The following NIBAN2 variants were observed in gnomAD, a reference collection of about 807,000 sequenced individuals.
NIBAN2 encodes niban apoptosis regulator 2.
NIBAN2 carries 36 observed loss-of-function variants against 81.8 expected under a neutral mutation model. The ratio of observed to expected loss-of-function variants is 0.44; its 90% CI spans 0.34 to 0.58. The LOEUF (loss-of-function observed/expected upper bound fraction) is 0.58. NIBAN2 is among the 20% of genes least tolerant of loss of function. The pLI is 0.02. For missense variants in NIBAN2, 897 were observed against 1,014.1 expected (o/e 0.88, Z 1.57); for synonymous variants, 445 against 441.6 (o/e 1.01, Z -0.10).
At chr9:127,523,168 T>TAAAAAAAAAAAAA (rs1564301216) in intron 5 of NIBAN2, among the ~76,000 whole-genome samples, 1 of 19,026 alleles carries the variant, frequency 5.3e-5, no homozygotes. Flanking sequence ...GTTGGTGGTT[T>TAAAAAAAAAAAAA]TAAAAAAAAA....
intron 1 of NIBAN2, among the ~76,000 whole-genome samples, chr9:127,537,343 A>G (rs1173069675): frequency 2.6e-5 from 4 of 152,250 alleles, no homozygotes; most frequent in African/African-American, 9.6e-5. Context: ...GTCACTGTTA[A>G]TCATCAGTGT....
In NIBAN2 at chr9:127,507,061, C is replaced by T; in HGVS notation, c.2025G>A (p.Gly675=). 6.3e-7 allele frequency: 1 copy of T among 1,577,662 alleles called. No homozygotes were observed. Among genetic ancestry groups the T allele is most frequent in the Non-Finnish European group, 8.6e-7 (1 of 1,161,326 alleles). Residue 675 remains glycine, a synonymous_variant, in exon 14 of 14, where the codon GGG becomes GGA. Coordinates refer to ENST00000373312, the MANE Select transcript of NIBAN2 (RefSeq NM_022833.4). This position sits in a 1 kb window ranked among gnomAD's most constrained non-coding sequence, Gnocchi z 6.8. ...SPPPAGPLLN[G]APAGESPQPK... ...GCTGGGGACTCTCCCCAGCGGGGGCCCCGTTGAGCAGGGGGCCGGCTGGTG... is the reference window on the plus strand; with the variant it reads ...GCTGGGGACTCTCCCCAGCGGGGGCTCCGTTGAGCAGGGGGCCGGCTGGTG...
chr9:127,556,970 G>C (rs530657942), intron 1 of NIBAN2, among the ~76,000 whole-genome samples: 191 of 152,278 alleles, frequency 1.3e-3, no homozygotes, highest in African/African-American at 4.5e-3. Context: ...CCAGCTACTG[G>C]GGAGACTGAG....
At chr9:127,556,034 C>T (rs1028077938) in intron 1 of NIBAN2, among the ~76,000 whole-genome samples, 1 of 151,708 alleles carries the variant, frequency 6.6e-6, no homozygotes, top group Non-Finnish European at 1.5e-5. Context: ...CCCCACCCTA[C>T]CCGCACCCCT....
At position 127,506,970 on chromosome 9, in the gene NIBAN2, C is replaced by T. The variant is rs138757858; in HGVS notation, c.2116G>A (p.Ala706Thr). 6.2e-7 allele frequency: 1 copy of T among 1,603,232 alleles called. No individual in the cohort carries two copies. The highest frequency in any genetic ancestry group is 2.2e-5 in the East Asian group (1 of 44,772). Reference sequence around the variant, plus strand: ...GGCTTGGGGGGCCCAAGGTCCACAGCCTTTCCAGGCAGGAGATGCTGGAGG... The same window carrying T: ...GGCTTGGGGGGCCCAAGGTCCACAGTCTTTCCAGGCAGGAGATGCTGGAGG... ...SPLQHLLPGKAVDLGPPKPSD... is the reference protein window; with the variant it reads ...SPLQHLLPGKTVDLGPPKPSD... The change falls in exon 14 of 14, where the codon GCT (alanine) becomes ACT (threonine). Residue 706 changes from alanine (A) to threonine (T), a missense_variant. This residue lies in a region of NIBAN2 where 619 missense variants were observed against 691.0 expected (regional missense o/e 0.90). Coordinates refer to ENST00000373312, the MANE Select transcript of NIBAN2 (RefSeq NM_022833.4).
intron 5 of NIBAN2, among the ~76,000 whole-genome samples, chr9:127,520,643 C>T (rs1021525464): frequency 6.6e-6 from 1 of 152,146 alleles, no homozygotes; most frequent in Non-Finnish European, 1.5e-5. Flanking sequence ...TGGCCGGGCA[C>T]AGTGACTCAC....
chr9:127,523,965 G>T, intron 4 of NIBAN2, 119 bp from the exon 5 acceptor site: 1 of 1,144,992 alleles, frequency 8.7e-7, no homozygotes, highest in Non-Finnish European at 1.3e-6. Context: ...GAGAAGGCCA[G>T]CCTGTCCCAA....
chr9:127,527,801 T>C (rs1588164162), intron 2 of NIBAN2, among the ~76,000 whole-genome samples: 1 of 152,336 alleles, frequency 6.6e-6, no homozygotes, highest in Non-Finnish European at 1.5e-5. Context: ...TCCCCAGCTC[T>C]AGGCTTCTGT....
rs182208629 is a variant in NIBAN2 at position 127,525,003 on chromosome 9, G to C, written c.421+55C>G. 8.6e-4 allele frequency: 1,218 copies of C among 1,409,674 alleles called. 5 individuals carry two copies. Among genetic ancestry groups the C allele is most frequent in the Non-Finnish European group, 1.2e-3 (1,154 of 997,460 alleles). 87.3% of individuals were successfully genotyped at this position (1,409,674 alleles called of 1,614,324 possible). A position where few individuals can be genotyped will look rare whatever the true frequency, so the allele number is the denominator to read the frequency against. On this transcript the variant is annotated intron_variant, in intron 4 of 13. Coordinates refer to ENST00000373312, the MANE Select transcript of NIBAN2 (RefSeq NM_022833.4). ...TGGGCTCAGGGCCACCCCTCCCCTG[G>C]CCAGCTCCAGATGCCTGTGCAGGGC...
intron 1 of NIBAN2, among the ~76,000 whole-genome samples, chr9:127,555,940 T>C (rs1837661054): frequency 6.6e-6 from 1 of 152,206 alleles, no homozygotes; most frequent in East Asian, 1.9e-4. Context: ...ATCCAAGCCC[T>C]GGGTGGGCCC....
intron 1 of NIBAN2, among the ~76,000 whole-genome samples, chr9:127,555,043 CT>C (rs1372726427): frequency 2.0e-5 from 3 of 152,276 alleles, no homozygotes; most frequent in Non-Finnish European, 4.4e-5. Flanking sequence ...AATTTCTTTC[CT>C]TATTTTGTTC....
At chr9:127,561,749 T>C (rs1029235895) in intron 1 of NIBAN2, among the ~76,000 whole-genome samples, 2 of 152,230 alleles carry the variant, frequency 1.3e-5, no homozygotes, top group Non-Finnish European at 2.9e-5. Flanking sequence ...TTCCTGTTCT[T>C]CCAGTTTTAA....
At chr9:127,543,443 T>C (rs1837417862) in intron 1 of NIBAN2, among the ~76,000 whole-genome samples, 1 of 152,304 alleles carries the variant, frequency 6.6e-6, no homozygotes, top group Non-Finnish European at 1.5e-5. Flanking sequence ...CCAGGCTGGC[T>C]GAACCTAGAC....
chr9:127,578,651 AG>A (rs1838037951), intron 1 of NIBAN2, among the ~76,000 whole-genome samples: 1 of 151,508 alleles, frequency 6.6e-6, no homozygotes, highest in East Asian at 1.9e-4. Context: ...CGGGGTGACA[AG>A]AGTGAAACTC....
chr9:127,577,935 A>G (rs1838028208), intron 1 of NIBAN2, among the ~76,000 whole-genome samples: 1 of 152,126 alleles, frequency 6.6e-6, no homozygotes, highest in Non-Finnish European at 1.5e-5. Flanking sequence ...TCACACTTGT[A>G]ATCTCAGCAC....
Position 127,517,643 on chromosome 9 carries a change from T to G in NIBAN2, c.705+183A>C, listed in dbSNP as rs971273942. Among the ~76,000 whole-genome samples, 1 of 152,126 alleles carries G rather than the reference T, an allele frequency of 6.6e-6. No individual in the cohort carries two copies. Among genetic ancestry groups the G allele is most frequent in the Non-Finnish European group, 1.5e-5 (1 of 68,022 alleles). On this transcript the variant is annotated intron_variant, in intron 6 of 13. Coordinates refer to ENST00000373312, the MANE Select transcript of NIBAN2 (RefSeq NM_022833.4). This position sits in a 1 kb window ranked among gnomAD's most constrained non-coding sequence, Gnocchi z 4.0. ...GGTAGGTGCTCAGATGCCCAGTAAG[T>G]GATGAATAAGACAGCGAGTATCTCC...
chr9:127,543,858 C>T (rs1357111525), intron 1 of NIBAN2, among the ~76,000 whole-genome samples: 3 of 152,222 alleles, frequency 2.0e-5, no homozygotes, highest in Non-Finnish European at 4.4e-5. Flanking sequence ...GCAACATGAG[C>T]TAATGCATGT....
upstream of NIBAN2, among the ~76,000 whole-genome samples, chr9:127,570,898 A>G (rs1297075553): frequency 1.3e-5 from 2 of 152,258 alleles, no homozygotes; most frequent in Non-Finnish European, 2.9e-5. Context: ...TGACTTGCTA[A>G]GGGCACACAG....
In NIBAN2 at chr9:127,507,112, G is replaced by A; in HGVS notation, c.1974C>T (p.Ala658=). 6.3e-7 allele frequency: 1 copy of A among 1,587,430 alleles called. No individual in the cohort carries two copies. Among genetic ancestry groups the A allele is most frequent in the Non-Finnish European group, 8.6e-7 (1 of 1,167,242 alleles). The change falls in exon 14 of 14, where the codon GCC becomes GCT. Residue 658 remains alanine (A), a synonymous_variant. Transcript: ENST00000373312. The surrounding 1 kb of genome is among the most constrained non-coding windows in gnomAD (Gnocchi z 6.8). ...DGVTEIRGLL[A]QGLRPESPPP... The stretch of plus-strand genomic sequence containing the variant: ...GGGGGCTCTCAGGCCGCAGACCTTG[G>A]GCCAGCAGGCCTCGGATCTCAGTGA...
Sources: gnomAD v4.1 joint callset for allele counts (sites outside exome capture counted in the v4.1 genomes callset) on GRCh38, gnomAD v4.1.1 for gene constraint, gnomAD v4.1.1 regional missense constraint, Gnocchi (gnomAD v3.1) non-coding constraint, MANE v1.5 for transcripts, NCBI Gene and HGNC (gene_info 2026-07-23, HGNC 2026-07-21) for gene names.